The following HSP90AA1 variants were observed in gnomAD, a reference collection of about 807,000 sequenced individuals.
The protein encoded by HSP90AA1 is heat shock protein 90 alpha family class A member 1.
Under a neutral mutation model 73.3 loss-of-function variants are expected in HSP90AA1, and 18 were observed. The ratio of observed to expected loss-of-function variants is 0.25; its 90% CI spans 0.17 to 0.36. The LOEUF (loss-of-function observed/expected upper bound fraction) is 0.36. HSP90AA1 is among the 10% of genes least tolerant of loss of function. HSP90AA1 has a pLI of 1.00. For synonymous variants in HSP90AA1, 477 were observed against 296.9 expected (o/e 1.61, Z -6.24); for missense variants, 704 against 874.2 (o/e 0.81, Z 2.45).
chr14:102,133,768 C>A (rs1460007626), intron 1 of HSP90AA1, among the ~76,000 whole-genome samples: 1 of 152,126 alleles, frequency 6.6e-6, no homozygotes, highest in Admixed American at 6.5e-5. Context: ...CAGGCATGAG[C>A]CACGGCGCCC....
At chr14:102,122,785 A>G (rs561198802) in intron 1 of HSP90AA1, among the ~76,000 whole-genome samples, 1 of 151,730 alleles carries the variant, frequency 6.6e-6, no homozygotes, top group South Asian at 2.1e-4. Flanking sequence ...CTCCTGTTTC[A>G]GCCTCCCGAG....
intron 6 of HSP90AA1, 76 bp downstream of exon 6, chr14:102,084,323 G>A: frequency 7.3e-7 from 1 of 1,365,608 alleles, no homozygotes; most frequent in South Asian, 1.2e-5. Context: ...TAGGATTATA[G>A]GTGTGAGCCA....
intron 2 of HSP90AA1, among the ~76,000 whole-genome samples, chr14:102,092,345 A>G (rs1050942132): frequency 2.6e-5 from 4 of 152,206 alleles, no homozygotes; most frequent in Non-Finnish European, 5.9e-5. Flanking sequence ...TCCTGGGATT[A>G]CAGGAGTGAG....
chr14:102,121,040 CACGT>C (rs2049772693), intron 1 of HSP90AA1, among the ~76,000 whole-genome samples: 1 of 151,152 alleles, frequency 6.6e-6, no homozygotes, highest in East Asian at 1.9e-4. Flanking sequence ...CACACACACA[CACGT>C]AAAGTTGAGA....
At chr14:102,090,527 A>G (rs1217387815), upstream of HSP90AA1, among the ~76,000 whole-genome samples, 1 of 150,122 alleles carries the variant, frequency 6.7e-6, no homozygotes, top group Non-Finnish European at 1.5e-5. Context: ...TTGGCTTGTT[A>G]CAAGCTCCGC....
chr14:102,088,525 A>T (rs1201972756), upstream of HSP90AA1, among the ~76,000 whole-genome samples: 1 of 152,220 alleles, frequency 6.6e-6, no homozygotes. Flanking sequence ...GCCTGGCATT[A>T]CAAAGCGGGG....
At chr14:102,124,702 C>A (rs576680443) in intron 1 of HSP90AA1, among the ~76,000 whole-genome samples, 1 of 152,216 alleles carries the variant, frequency 6.6e-6, no homozygotes, top group East Asian at 1.9e-4. Context: ...CCATGCTTGG[C>A]TTCTTATTGT....
intron 2 of HSP90AA1, among the ~76,000 whole-genome samples, chr14:102,101,714 T>C (rs2049495541): frequency 6.6e-6 from 1 of 152,202 alleles, no homozygotes; most frequent in Admixed American, 6.5e-5. Context: ...TAGTGGACCC[T>C]CAGTAGATGT....
At position 102,123,675 on chromosome 14, in the gene HSP90AA1, T is replaced by C. The variant is rs1023556698; in HGVS notation, c.155+15575A>G. On this transcript the variant is annotated intron_variant, in intron 1 of 11. Coordinates refer to the HSP90AA1 transcript ENST00000334701. ...ACAGGCATAAGCCACTATGTCCAGA[T>C]AGTTTATGAACATGTTCTAAATATA... Among the ~76,000 whole-genome samples, 6 of 152,214 alleles carry C rather than the reference T, an allele frequency of 3.9e-5. 1 individual carries two copies. The South Asian group carries it at 8.3e-4, about 21-fold the overall frequency.
At position 102,083,318 on chromosome 14, in the gene HSP90AA1, G is replaced by A. The variant is rs1379240317; in HGVS notation, c.1487-16C>T. 8.7e-6 allele frequency: 14 copies of A among 1,613,724 alleles called. No individual in the cohort carries two copies. Among genetic ancestry groups the A allele is most frequent in the South Asian group, 2.2e-5 (2 of 91,078 alleles). On this transcript the variant is annotated splice_polypyrimidine_tract_variant and intron_variant, in intron 8 of 10. Coordinates refer to ENST00000216281, the MANE Select transcript of HSP90AA1 (RefSeq NM_005348.4). ...TTGGTCTCACCTGAGGTATTACAAAGTTACTTTTAGACCTTTTAACAGTTA... is the reference window on the plus strand; with the variant it reads ...TTGGTCTCACCTGAGGTATTACAAAATTACTTTTAGACCTTTTAACAGTTA...
intron 1 of HSP90AA1, among the ~76,000 whole-genome samples, chr14:102,125,174 T>C (rs1246740076): frequency 6.6e-6 from 1 of 152,098 alleles, no homozygotes; most frequent in Non-Finnish European, 1.5e-5. Context: ...ATTTATTTTT[T>C]GTAGAGATGG....
intron 1 of HSP90AA1, among the ~76,000 whole-genome samples, chr14:102,124,875 T>A (rs1432325412): frequency 6.6e-6 from 1 of 152,246 alleles, no homozygotes; most frequent in South Asian, 2.1e-4. Flanking sequence ...CCAGTGCTCT[T>A]TTTTGAGTAT....
At chr14:102,115,552 C>T (rs533430705) in intron 1 of HSP90AA1, among the ~76,000 whole-genome samples, 127 of 152,190 alleles carry the variant, frequency 8.3e-4, no homozygotes, top group Non-Finnish European at 1.6e-3. Flanking sequence ...ATATTTGTTT[C>T]CTAATACCTT....
At position 102,086,145 on chromosome 14, in the gene HSP90AA1, T is replaced by C. The variant is rs750391102; in HGVS notation, c.163-21A>G. ...AATGCCTGTTAACAAAAAATATTAA[T>C]TTAAGCATACAGCACCCCCAAGAAG... On this transcript the variant is annotated intron_variant, in intron 2 of 10. Transcript: ENST00000216281. The C allele has an allele frequency of 1.2e-5, 19 of 1,613,988 alleles. No homozygotes were observed. The African/African-American group carries it at 1.2e-4, about 10-fold the overall frequency.
intron 2 of HSP90AA1, among the ~76,000 whole-genome samples, chr14:102,101,541 G>A (rs112414186): frequency 7.6e-4 from 116 of 152,324 alleles, no homozygotes; most frequent in African/African-American, 1.8e-3. Flanking sequence ...TGCTCAAGGC[G>A]CAGCTCACAA....
At chr14:102,100,518 C>T (rs1482683061) in intron 2 of HSP90AA1, among the ~76,000 whole-genome samples, 2 of 151,826 alleles carry the variant, frequency 1.3e-5, no homozygotes, top group African/African-American at 2.4e-5. Flanking sequence ...CTCCGCCTCC[C>T]GGGTTCAAGC....
At chr14:102,116,415 G>T (rs2049707011) in intron 1 of HSP90AA1, among the ~76,000 whole-genome samples, 1 of 152,286 alleles carries the variant, frequency 6.6e-6, no homozygotes, top group Admixed American at 6.5e-5. Flanking sequence ...TATCATGGCA[G>T]TGGCCACTGC....
At chr14:102,095,332 G>A (rs1441048805) in intron 2 of HSP90AA1, among the ~76,000 whole-genome samples, 3 of 152,084 alleles carry the variant, frequency 2.0e-5, no homozygotes, top group Non-Finnish European at 4.4e-5. Context: ...CTTGGGTGTG[G>A]GAGCACCTGT....
At chr14:102,119,085 G>A (rs941162941) in intron 1 of HSP90AA1, among the ~76,000 whole-genome samples, 1 of 151,848 alleles carries the variant, frequency 6.6e-6, no homozygotes, top group Non-Finnish European at 1.5e-5. Flanking sequence ...AAACTCCTGA[G>A]CTCAAGCGAT....
Sources: gnomAD v4.1 joint callset for allele counts (sites outside exome capture counted in the v4.1 genomes callset) on GRCh38, gnomAD v4.1.1 for gene constraint, MANE v1.5 for transcripts, NCBI Gene and HGNC (gene_info 2026-07-23, HGNC 2026-07-21) for gene names.